The following SNAP23 variants were observed in gnomAD, a reference collection of about 807,000 sequenced individuals.
SNAP23 encodes synaptosome associated protein 23, also known as synaptosomal-associated protein 23.
In SNAP23, 11 loss-of-function variants were observed where a neutral mutation model predicts 29.0. That is an observed-to-expected ratio of 0.38 (90% CI 0.24 to 0.63). The LOEUF (loss-of-function observed/expected upper bound fraction) is 0.63, where lower values mean the gene tolerates loss of function less well. Ranked by LOEUF, SNAP23 falls within the 20% of genes least tolerant of loss-of-function variation. SNAP23 has a pLI of 0.58. For missense variants in SNAP23, 220 were observed against 253.9 expected, an observed-to-expected ratio of 0.87 and a Z score of 0.91; for synonymous variants, 60 against 82.9, an observed-to-expected ratio of 0.72 and a Z score of 1.50.
chr15:42,496,202 T>G (rs1400962863), intron 1 of SNAP23, among the ~76,000 whole-genome samples: 1 of 151,980 alleles, frequency 6.6e-6, no homozygotes, highest in East Asian at 1.9e-4. Flanking sequence ...ATTGGAGTGG[T>G]GGGGGGAAAA....
chr15:42,513,115 C>G, intron 3 of SNAP23, 119 bp downstream of exon 3: 1 of 848,442 alleles, frequency 1.2e-6, no homozygotes, highest in South Asian at 1.4e-5. Flanking sequence ...TTGAAATTAA[C>G]AGTTGCTGAA....
At chr15:42,510,873 G>T (rs2057353920) in intron 1 of SNAP23, among the ~76,000 whole-genome samples, 1 of 152,036 alleles carries the variant, frequency 6.6e-6, no homozygotes, top group African/African-American at 2.4e-5. Context: ...CCATTAACCA[G>T]CCCCATCACC....
In SNAP23 at chr15:42,514,710, T is replaced by C. The variant is rs910135084; in HGVS notation, c.149-527T>C. On this transcript the variant is annotated intron_variant, in intron 4 of 7. Coordinates refer to ENST00000249647, the MANE Select transcript of SNAP23 (RefSeq NM_003825.4). ...CTACTATACAAGATTCTTTTTTTTT[T>C]TTTTTTTTTCGAGCGGGAGTCCCAC... Among the ~76,000 whole-genome samples the C allele has an allele frequency of 4.6e-5, 7 of 151,260 alleles. 1 individual carries two copies. Among genetic ancestry groups the C allele is most frequent in the Non-Finnish European group, 1.0e-4 (7 of 67,760 alleles).
intron 5 of SNAP23, among the ~76,000 whole-genome samples, chr15:42,520,015 T>G (rs1210324680): frequency 2.0e-5 from 3 of 151,078 alleles, no homozygotes; most frequent in Non-Finnish European, 4.4e-5. Context: ...GTGGAAGAGC[T>G]GGGATTCAAA....
intron 5 of SNAP23, chr15:42,527,963 T>G (rs1377443686): frequency 3.4e-6 from 1 of 296,606 alleles, no homozygotes; most frequent in African/African-American, 2.1e-5. Context: ...TGCCAGAGGC[T>G]AAGGGAACCT....
intron 4 of SNAP23, 119 bp from the exon 5 acceptor site, chr15:42,515,118 C>G (rs76903775): frequency 7.6e-6 from 5 of 658,162 alleles, no homozygotes; most frequent in Non-Finnish European, 1.3e-5. Context: ...CACTGACATA[C>G]TCACTGTGGG....
At chr15:42,498,464 AC>A (rs1486133576) in intron 1 of SNAP23, among the ~76,000 whole-genome samples, 1 of 152,180 alleles carries the variant, frequency 6.6e-6, no homozygotes, top group African/African-American at 2.4e-5. Context: ...CCCAAGCTGT[AC>A]CTTGACCCCT....
chr15:42,495,037 A>C (rs751291224), upstream of SNAP23, among the ~76,000 whole-genome samples: 1 of 152,160 alleles, frequency 6.6e-6, no homozygotes, highest in Non-Finnish European at 1.5e-5. Context: ...TCGGGGATGT[A>C]CGATTAGCAC....
intron 1 of SNAP23, among the ~76,000 whole-genome samples, chr15:42,500,173 C>T (rs1280956535): frequency 6.9e-6 from 1 of 145,692 alleles, no homozygotes; most frequent in African/African-American, 2.6e-5. Flanking sequence ...GGCTTTCCCC[C>T]GCCCCCGCCC....
chr15:42,517,027 C>T (rs2057402617), intron 5 of SNAP23, among the ~76,000 whole-genome samples: 1 of 152,166 alleles, frequency 6.6e-6, no homozygotes, highest in Admixed American at 6.5e-5. Flanking sequence ...TCAAGTGATT[C>T]TCCTGCCTCA....
intron 6 of SNAP23, among the ~76,000 whole-genome samples, chr15:42,528,838 G>A (rs914338822): frequency 2.6e-5 from 4 of 152,062 alleles, no homozygotes; most frequent in Non-Finnish European, 5.9e-5. Context: ...CACCTGCCTC[G>A]GCCTCCCAAA....
chr15:42,505,550 T>C (rs1454456393), intron 1 of SNAP23: 2 of 150,028 alleles, frequency 1.3e-5, no homozygotes, highest in African/African-American at 5.0e-5. Flanking sequence ...ACTTCCTTTC[T>C]GCTTGCATTT....
chr15:42,519,055 C>CT (rs34865842), intron 5 of SNAP23, among the ~76,000 whole-genome samples: 2,207 of 130,728 alleles, frequency 0.017, 64 homozygotes, highest in African/African-American at 0.059. Flanking sequence ...GTTTCTTCTT[C>CT]TTTTTTTTTT....
chr15:42,494,084 A>G (rs1259783790), upstream of SNAP23, among the ~76,000 whole-genome samples: 2 of 151,982 alleles, frequency 1.3e-5, no homozygotes, highest in East Asian at 3.9e-4. Context: ...CTTCCCTACC[A>G]TGCTCAAGTT....
At chr15:42,503,309 C>G (rs2057291034) in intron 1 of SNAP23, among the ~76,000 whole-genome samples, 1 of 151,806 alleles carries the variant, frequency 6.6e-6, no homozygotes, top group Admixed American at 6.6e-5. Context: ...TCAAGTGATT[C>G]TCCTGCCTTA....
intron 5 of SNAP23, among the ~76,000 whole-genome samples, chr15:42,523,985 T>C (rs2057472472): frequency 6.6e-6 from 1 of 151,988 alleles, no homozygotes; most frequent in African/African-American, 2.4e-5. Flanking sequence ...CCTGGCTAAT[T>C]TTTTGTATTT....
At chr15:42,513,676 A>G (rs1007151739) in intron 4 of SNAP23, among the ~76,000 whole-genome samples, 2 of 152,228 alleles carry the variant, frequency 1.3e-5, no homozygotes, top group African/African-American at 4.8e-5. Context: ...TTAGGCCAGC[A>G]TGGCTTATTT....
intron 1 of SNAP23, among the ~76,000 whole-genome samples, chr15:42,499,365 C>T (rs944178190): frequency 1.3e-5 from 2 of 152,212 alleles, no homozygotes; most frequent in South Asian, 4.1e-4. Context: ...AGCCACCGCG[C>T]CCGGTCTAAG....
At chr15:42,529,239 C>T (rs764022897) in intron 6 of SNAP23, among the ~76,000 whole-genome samples, 1 of 152,122 alleles carries the variant, frequency 6.6e-6, no homozygotes, top group South Asian at 2.1e-4. Context: ...GGTCCTTGGG[C>T]CGTAGTTTTC....
Sources: gnomAD v4.1 joint callset for allele counts (sites outside exome capture counted in the v4.1 genomes callset) on GRCh38, gnomAD v4.1.1 for gene constraint, MANE v1.5 for transcripts, NCBI Gene and HGNC (gene_info 2026-07-23, HGNC 2026-07-21) for gene names.